The following LPP variants were observed in gnomAD, a reference collection of about 807,000 sequenced individuals.
The protein encoded by LPP is lipoma-preferred partner.
Under a neutral mutation model 60.4 loss-of-function variants are expected in LPP, and 38 were observed. The observed-to-expected ratio is 0.63, with a 90% CI of 0.49 to 0.83. The LOEUF is 0.83. Ranked by LOEUF, LPP falls within the 40% of genes least tolerant of loss-of-function variation. The probability of loss-of-function intolerance (pLI) is 0.00; values close to 1 mark genes in which losing one functional copy is unlikely to be tolerated. For synonymous variants in LPP, 328 were observed against 290.8 expected (o/e 1.13, Z -1.30); for missense variants, 902 against 783.6 (o/e 1.15, Z -1.80).
chr3:188,659,231 G>A (rs1031156296), intron 7 of LPP, among the ~76,000 whole-genome samples: 5 of 152,122 alleles, frequency 3.3e-5, no homozygotes, highest in Non-Finnish European at 5.9e-5. Context: ...CCTAATGATC[G>A]TTGAATACAG....
upstream of LPP, chr3:188,153,479 A>T (rs907533758): frequency 6.6e-6 from 1 of 152,272 alleles, no homozygotes; most frequent in African/African-American, 2.4e-5. Context: ...TGACGCCTTA[A>T]TAGTAGACGC....
chr3:188,350,737 G>A (rs1310393712), intron 3 of LPP, among the ~76,000 whole-genome samples: 2 of 152,166 alleles, frequency 1.3e-5, no homozygotes, highest in East Asian at 3.8e-4. Context: ...ACTGTCCACA[G>A]AGCATTATGA....
chr3:188,797,232 A>G (rs933982314), intron 9 of LPP, among the ~76,000 whole-genome samples: 9 of 151,962 alleles, frequency 5.9e-5, no homozygotes, highest in African/African-American at 1.9e-4. Flanking sequence ...GCAGGGGAGG[A>G]CAGAAGTCAA....
intron 2 of LPP, among the ~76,000 whole-genome samples, chr3:188,326,338 A>G (rs1758420293): frequency 6.6e-6 from 1 of 152,204 alleles, no homozygotes; most frequent in African/African-American, 2.4e-5. Context: ...AATGCTGACA[A>G]TTAAATATAC....
At chr3:188,624,208 G>A (rs1846339048) in intron 7 of LPP, among the ~76,000 whole-genome samples, 1 of 152,156 alleles carries the variant, frequency 6.6e-6, no homozygotes, top group South Asian at 2.1e-4. Context: ...CTTGCCAAAA[G>A]TCAGGACTAA....
At chr3:188,442,682 A>G (rs1199725267) in intron 4 of LPP, among the ~76,000 whole-genome samples, 1 of 152,062 alleles carries the variant, frequency 6.6e-6, no homozygotes, top group East Asian at 1.9e-4. Context: ...TTCTGTTTTG[A>G]TTATTATGTG....
intron 7 of LPP, among the ~76,000 whole-genome samples, chr3:188,686,541 T>C (rs890608372): frequency 2.0e-5 from 3 of 152,212 alleles, no homozygotes. Context: ...CTTGCAGTTC[T>C]TATCTTACGT....
intron 3 of LPP, among the ~76,000 whole-genome samples, chr3:188,399,110 T>C (rs1449319349): frequency 6.6e-6 from 1 of 152,212 alleles, no homozygotes; most frequent in Non-Finnish European, 1.5e-5. Flanking sequence ...ATTCCATCAC[T>C]ACATTTTTCG....
At chr3:188,393,693 C>T (rs1258002250) in intron 3 of LPP, among the ~76,000 whole-genome samples, 1 of 152,164 alleles carries the variant, frequency 6.6e-6, no homozygotes, top group African/African-American at 2.4e-5. Context: ...CGATTCGAAA[C>T]CAGAGCTTAA....
At chr3:188,539,922 T>C (rs1335337279) in intron 6 of LPP, among the ~76,000 whole-genome samples, 1 of 152,242 alleles carries the variant, frequency 6.6e-6, no homozygotes, top group South Asian at 2.1e-4. Context: ...TGTTTCCTCA[T>C]ATAAAACTTG....
chr3:188,471,106 C>A (rs923804731), intron 4 of LPP, among the ~76,000 whole-genome samples: 1 of 152,124 alleles, frequency 6.6e-6, no homozygotes, highest in Admixed American at 6.6e-5. Context: ...AGCATAATTG[C>A]CATAAAATCA....
At chr3:188,828,595 C>A in intron 9 of LPP, among the ~76,000 whole-genome samples, 1 of 103,772 alleles carries the variant, frequency 9.6e-6, no homozygotes, top group Non-Finnish European at 1.7e-5. Flanking sequence ...AGCCTGGCAA[C>A]AAGAGCGAAA....
intron 1 of LPP, among the ~76,000 whole-genome samples, chr3:188,156,855 C>T (rs1289316828): frequency 6.6e-6 from 1 of 150,864 alleles, no homozygotes; most frequent in Admixed American, 6.8e-5. Flanking sequence ...CGCCCCACCC[C>T]CCCAAGAAAA....
chr3:188,271,447 A>G (rs1737698510), intron 2 of LPP, among the ~76,000 whole-genome samples: 1 of 152,188 alleles, frequency 6.6e-6, no homozygotes, highest in Admixed American at 6.5e-5. Flanking sequence ...CTCACACCTC[A>G]AGAGACGGAA....
chr3:188,280,526 G>T (rs1029967960), intron 2 of LPP, among the ~76,000 whole-genome samples: 2 of 152,196 alleles, frequency 1.3e-5, no homozygotes, highest in East Asian at 1.9e-4. Context: ...GTGAGGAGAC[G>T]AGGAAATAGG....
chr3:188,458,864 C>T (rs1798350990), intron 4 of LPP, among the ~76,000 whole-genome samples: 1 of 149,772 alleles, frequency 6.7e-6, no homozygotes, highest in African/African-American at 2.5e-5. Flanking sequence ...CGATTTCTTT[C>T]TTTCCTTCTT....
chr3:188,853,494 G>A (rs9637460), intron 9 of LPP, among the ~76,000 whole-genome samples: 85,669 of 152,046 alleles, frequency 0.56, 24,508 homozygotes, highest in East Asian at 0.84. Context: ...GCAACAGCAG[G>A]TGGAAAGGCA....
intron 9 of LPP, among the ~76,000 whole-genome samples, chr3:188,805,373 A>G (rs376251329): frequency 5.9e-5 from 9 of 151,920 alleles, no homozygotes; most frequent in African/African-American, 2.2e-4. Context: ...TTGTTAATTG[A>G]CAGTTTGCAT....
chr3:188,878,136 AT>A lies in LPP; in HGVS notation c.*3664del. On this transcript the variant is annotated 3_prime_UTR_variant, in exon 12 of 12. Coordinates refer to ENST00000617246, the MANE Select transcript of LPP (RefSeq NM_001375462.1). ...GACTCTGAAAACACAACTTCCAGCC[AT>A]TTTTTTAGTTAGTAAAAATCCTATT... 1.8e-5 allele frequency: 4 copies of A among 220,800 alleles called. No homozygotes were observed. The highest frequency in any genetic ancestry group is 5.8e-5 in the Admixed American group (1 of 17,352). 13.7% of individuals were successfully genotyped at this position (220,800 alleles called of 1,614,324 possible). A position where few individuals can be genotyped will look rare whatever the true frequency, so the allele number is the denominator to read the frequency against.
Sources: allele counts gnomAD v4.1 joint callset (sites outside exome capture counted in the v4.1 genomes callset), GRCh38; gene constraint gnomAD v4.1.1; transcripts MANE v1.5; gene names NCBI Gene and HGNC (gene_info 2026-07-23, HGNC 2026-07-21).